CNTNAP5: variants seen among roughly 807,000 people sequenced by gnomAD.
CNTNAP5 encodes contactin-associated protein-like 5.
In CNTNAP5, 72 loss-of-function variants were observed where a neutral mutation model predicts 150.2. The observed-to-expected ratio is 0.48, with a 90% CI of 0.40 to 0.58. The LOEUF (loss-of-function observed/expected upper bound fraction) is 0.58, where lower values mean the gene tolerates loss of function less well. Ranked by LOEUF, CNTNAP5 falls within the 20% of genes least tolerant of loss-of-function variation. The probability of loss-of-function intolerance (pLI) is 0.00; values close to 1 mark genes in which losing one functional copy is unlikely to be tolerated. For synonymous variants in CNTNAP5, 672 were observed against 619.8 expected, an observed-to-expected ratio of 1.08 and a Z score of -1.25; for missense variants, 1,636 against 1,626.2, an observed-to-expected ratio of 1.01 and a Z score of -0.10.
intron 19 of CNTNAP5, among the ~76,000 whole-genome samples, chr2:124,822,743 C>A (rs1030263507): frequency 2.0e-5 from 3 of 152,190 alleles, no homozygotes; most frequent in Non-Finnish European, 2.9e-5. Context: ...CACTGCAGAG[C>A]ATTTCCTGAA....
chr2:124,138,229 C>T (rs889228286), intron 1 of CNTNAP5, among the ~76,000 whole-genome samples: 2 of 152,164 alleles, frequency 1.3e-5, no homozygotes, highest in Non-Finnish European at 2.9e-5. Flanking sequence ...TACATGAGCT[C>T]TCTGTTTCTT....
chr2:124,832,450 T>C (rs1185895786), intron 19 of CNTNAP5, among the ~76,000 whole-genome samples: 1 of 152,132 alleles, frequency 6.6e-6, no homozygotes, highest in Non-Finnish European at 1.5e-5. Flanking sequence ...TAATATAAAC[T>C]CACTAATTTA....
chr2:124,641,780 G>A (rs1558716573), intron 12 of CNTNAP5, among the ~76,000 whole-genome samples: 1 of 152,142 alleles, frequency 6.6e-6, no homozygotes, highest in African/African-American at 2.4e-5. Context: ...CAATCTGTAG[G>A]CTTCCCTTCC....
intron 3 of CNTNAP5, among the ~76,000 whole-genome samples, chr2:124,375,184 T>A (rs775630602): frequency 1.3e-5 from 2 of 151,968 alleles, no homozygotes; most frequent in Admixed American, 6.6e-5. Flanking sequence ...GGGTGAAAAT[T>A]TCAGGAGAGA....
chr2:124,569,061 AT>A (rs1696094683), intron 11 of CNTNAP5, among the ~76,000 whole-genome samples: 1 of 151,880 alleles, frequency 6.6e-6, no homozygotes, highest in Non-Finnish European at 1.5e-5. Context: ...AGAAAAAAAT[AT>A]ATATATATAT....
intron 3 of CNTNAP5, among the ~76,000 whole-genome samples, chr2:124,284,606 G>C (rs1253191489): frequency 6.6e-6 from 1 of 151,888 alleles, no homozygotes; most frequent in Non-Finnish European, 1.5e-5. Flanking sequence ...ATGTATCCTG[G>C]AACTTAAGAT....
At position 124,914,411 on chromosome 2, in the gene CNTNAP5, A is replaced by G; in HGVS notation, c.*123A>G. ...CTGCTTGCCATGTCTTTTCTGGAAC[A>G]TACTTGCATCCACCACAGCATCAAT... On this transcript the variant is annotated 3_prime_UTR_variant, in exon 24 of 24. Coordinates refer to ENST00000682447, the MANE Select transcript of CNTNAP5 (RefSeq NM_001367498.1). 1 of 735,030 alleles carries G rather than the reference A, an allele frequency of 1.4e-6. No homozygotes were observed. The allele number at this position is 735,030 out of a possible 1,614,324, so 45.5% of individuals were successfully genotyped here.
intron 19 of CNTNAP5, among the ~76,000 whole-genome samples, chr2:124,811,658 C>A (rs553153790): frequency 6.8e-6 from 1 of 146,280 alleles, no homozygotes; most frequent in Admixed American, 7.0e-5. Flanking sequence ...AAATTGAAAA[C>A]AGGTCAGGCG....
At chr2:124,048,324 G>C (rs1558737363) in intron 1 of CNTNAP5, among the ~76,000 whole-genome samples, 1 of 152,170 alleles carries the variant, frequency 6.6e-6, no homozygotes, top group Non-Finnish European at 1.5e-5. Flanking sequence ...TCAGTAAAAT[G>C]TGAGTTCTTT....
At chr2:124,832,621 T>G (rs891524076) in intron 19 of CNTNAP5, among the ~76,000 whole-genome samples, 1 of 151,866 alleles carries the variant, frequency 6.6e-6, no homozygotes, top group Non-Finnish European at 1.5e-5. Flanking sequence ...TTCTTTTACC[T>G]TTTTTTTCCT....
intron 19 of CNTNAP5, among the ~76,000 whole-genome samples, chr2:124,826,099 T>A (rs559008679): frequency 2.1e-4 from 32 of 149,830 alleles, no homozygotes; most frequent in South Asian, 1.9e-3. Flanking sequence ...AAGTAGTTTT[T>A]AAAAAAAAAA....
chr2:124,833,391 G>C (rs1396800130), intron 19 of CNTNAP5, among the ~76,000 whole-genome samples: 3 of 152,164 alleles, frequency 2.0e-5, no homozygotes, highest in Admixed American at 1.3e-4. Context: ...TAAGGGCCAT[G>C]CTGGTACCAA....
chr2:124,683,311 G>A (rs1227780414), intron 13 of CNTNAP5, among the ~76,000 whole-genome samples: 1 of 152,132 alleles, frequency 6.6e-6, no homozygotes, highest in Non-Finnish European at 1.5e-5. Context: ...TGGCATTACA[G>A]GAAACAAGCC....
intron 17 of CNTNAP5, among the ~76,000 whole-genome samples, chr2:124,783,594 C>G (rs1681499974): frequency 6.6e-6 from 1 of 152,028 alleles, no homozygotes; most frequent in African/African-American, 2.4e-5. Context: ...TTCTACCAAA[C>G]AAATAAGGAA....
intron 3 of CNTNAP5, among the ~76,000 whole-genome samples, chr2:124,400,537 A>G (rs1439363438): frequency 6.6e-6 from 1 of 152,068 alleles, no homozygotes; most frequent in Non-Finnish European, 1.5e-5. Flanking sequence ...TTGCTGCAAT[A>G]TCACTCCTTA....
chr2:124,768,331 A>G (rs1041340075), intron 16 of CNTNAP5, among the ~76,000 whole-genome samples: 4 of 144,600 alleles, frequency 2.8e-5, no homozygotes, highest in African/African-American at 1.0e-4. Context: ...TTATGTATAT[A>G]TTTACTGTAT....
chr2:124,249,636 A>T (rs1332944320), intron 3 of CNTNAP5, among the ~76,000 whole-genome samples: 3 of 152,170 alleles, frequency 2.0e-5, no homozygotes, highest in Non-Finnish European at 4.4e-5. Context: ...AATGTATTTG[A>T]TTGATGTCTC....
At chr2:124,309,465 A>AT (rs1186862308) in intron 3 of CNTNAP5, among the ~76,000 whole-genome samples, 4 of 152,222 alleles carry the variant, frequency 2.6e-5, no homozygotes, top group Non-Finnish European at 5.9e-5. Flanking sequence ...TATTTGACAA[A>AT]TCCACTTAAA....
intron 12 of CNTNAP5, among the ~76,000 whole-genome samples, chr2:124,646,720 CT>C (rs1278332337): frequency 2.9e-4 from 44 of 152,146 alleles, no homozygotes; most frequent in Non-Finnish European, 5.9e-5. Flanking sequence ...TTTGTGGTTG[CT>C]TTTCCATATT....
Sources: gnomAD v4.1 joint callset for allele counts (sites outside exome capture counted in the v4.1 genomes callset) on GRCh38, gnomAD v4.1.1 for gene constraint, MANE v1.5 for transcripts, NCBI Gene and HGNC (gene_info 2026-07-23, HGNC 2026-07-21) for gene names.